KIF26B: variants seen among roughly 807,000 people sequenced by gnomAD.
KIF26B encodes the protein kinesin family member 26B.
Under a neutral mutation model 151.2 loss-of-function variants are expected in KIF26B, and 63 were observed. The ratio of observed to expected loss-of-function variants is 0.42; its 90% CI spans 0.34 to 0.51. KIF26B has a LOEUF of 0.51. KIF26B is among the 20% of genes least tolerant of loss of function. The pLI, the probability that KIF26B is intolerant of heterozygous loss-of-function variation, is 0.07. For missense variants in KIF26B, 2,813 were observed against 2,913.6 expected, an observed-to-expected ratio of 0.97 and a Z score of 0.79; for synonymous variants, 1,357 against 1,262.1, an observed-to-expected ratio of 1.08 and a Z score of -1.59.
intron 10 of KIF26B, among the ~76,000 whole-genome samples, chr1:245,673,149 C>T (rs78187332): frequency 1.0e-4 from 9 of 88,322 alleles, no homozygotes; most frequent in Non-Finnish European, 1.0e-4. Context: ...GTCCCCGCTG[C>T]GCGCTGCCAT....
At chr1:245,471,768 C>T (rs1659920578) in intron 4 of KIF26B, among the ~76,000 whole-genome samples, 1 of 150,782 alleles carries the variant, frequency 6.6e-6, no homozygotes, top group South Asian at 2.1e-4. Context: ...GCAATAAAGA[C>T]AAGCCCCCTG....
At chr1:245,445,261 A>T (rs1465247465) in intron 4 of KIF26B, among the ~76,000 whole-genome samples, 3 of 152,220 alleles carry the variant, frequency 2.0e-5, no homozygotes, top group African/African-American at 7.2e-5. Flanking sequence ...AGAATCTCTC[A>T]TCTTCCAGGC....
At position 245,707,984 on chromosome 1, in the gene KIF26B, G is replaced by C. The variant is rs1262525588; in HGVS notation, c.*5378G>C. On this transcript the variant is annotated 3_prime_UTR_variant, in exon 15 of 15. Coordinates refer to ENST00000407071, the MANE Select transcript of KIF26B (RefSeq NM_018012.4). The stretch of plus-strand genomic sequence containing the variant: ...GAGTTCCTTAGCTTGGATATATATA[G>C]TACCTGTTTTTTTCCTCTGGAAAAA... 2 of 152,156 alleles carry C rather than the reference G, an allele frequency of 1.3e-5. No individual in the cohort carries two copies. The highest frequency in any genetic ancestry group is 2.9e-5 in the Non-Finnish European group (2 of 68,030). The allele number at this position is 152,156 out of a possible 1,614,324, so 9.4% of individuals were successfully genotyped here.
At chr1:245,164,562 A>G (rs1668584655) in intron 2 of KIF26B, among the ~76,000 whole-genome samples, 1 of 152,242 alleles carries the variant, frequency 6.6e-6, no homozygotes, top group African/African-American at 2.4e-5. Context: ...CGGCAGGCAT[A>G]GGCCAGGAAG....
At chr1:245,466,913 C>T (rs1327997184) in intron 4 of KIF26B, among the ~76,000 whole-genome samples, 1 of 152,126 alleles carries the variant, frequency 6.6e-6, no homozygotes, top group African/African-American at 2.4e-5. Context: ...GCAACAGACT[C>T]CATCTCAAAA....
At chr1:245,198,447 T>C (rs989099553) in intron 2 of KIF26B, among the ~76,000 whole-genome samples, 2 of 141,776 alleles carry the variant, frequency 1.4e-5, no homozygotes, top group Non-Finnish European at 3.1e-5. Flanking sequence ...CTTGGCTGGG[T>C]GCGGTGGCTC....
intron 9 of KIF26B, among the ~76,000 whole-genome samples, chr1:245,631,352 T>A (rs1459338699): frequency 1.3e-5 from 2 of 152,368 alleles, no homozygotes; most frequent in East Asian, 3.9e-4. Context: ...TTAGATTTTA[T>A]CAAATATTTT....
At chr1:245,267,808 AAAC>A (rs1424839646) in intron 2 of KIF26B, among the ~76,000 whole-genome samples, 1 of 152,166 alleles carries the variant, frequency 6.6e-6, no homozygotes, top group Non-Finnish European at 1.5e-5. Flanking sequence ...GTGTCTCCTT[AAAC>A]GTTTTGGGGT....
At position 245,684,415 on chromosome 1, in the gene KIF26B, G is replaced by T. The variant is rs776544989; in HGVS notation, c.2421+20G>T. On this transcript the variant is annotated intron_variant, in intron 11 of 14. Transcript: ENST00000407071. ...ACGAAGGTAAGGAGCTCGCGGGGTG[G>T]GGGGGTGGTGGATGAGGGAGCCTTT... 6.5e-7 allele frequency: 1 copy of T among 1,548,732 alleles called. No individual in the cohort carries two copies. The highest frequency in any genetic ancestry group is 8.7e-7 in the Non-Finnish European group (1 of 1,147,872).
At chr1:245,175,960 C>CTATATATATATATCTA (rs922911492) in intron 2 of KIF26B, among the ~76,000 whole-genome samples, 1 of 119,622 alleles carries the variant, frequency 8.4e-6, no homozygotes, top group Non-Finnish European at 1.7e-5. Flanking sequence ...ATATCTATAT[C>CTATATATATATATCTA]TATATATATA....
At chr1:245,463,298 T>A (rs186876324) in intron 4 of KIF26B, among the ~76,000 whole-genome samples, 9 of 152,296 alleles carry the variant, frequency 5.9e-5, no homozygotes, top group Admixed American at 2.6e-4. Context: ...GACCTGTGGC[T>A]CAGGGAGGTT....
chr1:245,183,644 G>A (rs1488563896), intron 2 of KIF26B, among the ~76,000 whole-genome samples: 1 of 152,190 alleles, frequency 6.6e-6, no homozygotes, highest in Non-Finnish European at 1.5e-5. Flanking sequence ...TTTGGCACAT[G>A]AGCAAGCTGG....
chr1:245,327,998 A>G (rs190638640), intron 2 of KIF26B, among the ~76,000 whole-genome samples: 1 of 152,076 alleles, frequency 6.6e-6, no homozygotes, highest in Non-Finnish European at 1.5e-5. Context: ...TGAAGGGAAG[A>G]GTCTGCACTT....
intron 5 of KIF26B, among the ~76,000 whole-genome samples, chr1:245,554,906 C>T (rs576341123): frequency 1.3e-5 from 2 of 152,190 alleles, no homozygotes; most frequent in African/African-American, 2.4e-5. Flanking sequence ...TCCTTTGCTT[C>T]TGGAGAGAAT....
Position 245,443,142 on chromosome 1 carries a change from T to G in KIF26B, c.1166+23397T>G, listed in dbSNP as rs112541216. On this transcript the variant is annotated intron_variant, in intron 4 of 14. Coordinates refer to ENST00000407071, the MANE Select transcript of KIF26B (RefSeq NM_018012.4). The stretch of plus-strand genomic sequence containing the variant: ...ATCTCCCTCACTGTTCACCTAGAGC[T>G]GTCATCTCCCTCACTGTTCACTTAG... Among the ~76,000 whole-genome samples the G allele has an allele frequency of 9.1e-5, 13 of 142,158 alleles. No homozygotes were observed. In the South Asian group the frequency reaches 1.9e-3, roughly 21 times the overall value. The allele number at this position is 142,158 out of a possible 152,430, so 93.3% of individuals were successfully genotyped here.
In KIF26B at chr1:245,563,203, C is replaced by T. The variant is rs193137435; in HGVS notation, c.1350+22253C>T. 1.3e-5 allele frequency among the ~76,000 whole-genome samples: 2 copies of T among 152,320 alleles called. No individual in the cohort carries two copies. The highest frequency in any genetic ancestry group is 1.3e-4 in the Admixed American group (2 of 15,288). ...TTAAATGCCAGTCAGTGTCTCTTCC[C>T]AAAGACCCCCACTGAACCCATCAGA... On this transcript the variant is annotated intron_variant, in intron 5 of 14. Coordinates refer to ENST00000407071, the MANE Select transcript of KIF26B (RefSeq NM_018012.4). This position sits in a 1 kb window ranked among gnomAD's most constrained non-coding sequence, Gnocchi z 4.6.
At chr1:245,589,682 T>C (rs1008767298) in intron 5 of KIF26B, among the ~76,000 whole-genome samples, 2 of 152,204 alleles carry the variant, frequency 1.3e-5, no homozygotes, top group African/African-American at 4.8e-5. Context: ...ACTAGGTTGT[T>C]GATTACGGTG....
intron 2 of KIF26B, among the ~76,000 whole-genome samples, chr1:245,336,885 G>C (rs1032572391): frequency 6.6e-6 from 1 of 152,198 alleles, no homozygotes; most frequent in Admixed American, 6.5e-5. Flanking sequence ...TCACAGGAAT[G>C]TATTGCCTCA....
chr1:245,427,165 C>T (rs777945082), intron 4 of KIF26B, among the ~76,000 whole-genome samples: 5 of 152,206 alleles, frequency 3.3e-5, no homozygotes, highest in African/African-American at 4.8e-5. Context: ...GTGATCTAGG[C>T]GGAGGAAAAA....
Sources: gnomAD v4.1 joint callset for allele counts (sites outside exome capture counted in the v4.1 genomes callset) on GRCh38, gnomAD v4.1.1 for gene constraint, Gnocchi (gnomAD v3.1) non-coding constraint, MANE v1.5 for transcripts, NCBI Gene and HGNC (gene_info 2026-07-23, HGNC 2026-07-21) for gene names.